INSYN2B: variants seen among roughly 807,000 people sequenced by gnomAD.
INSYN2B encodes inhibitory synaptic factor family member 2B.
INSYN2B carries 16 observed loss-of-function variants against 41.2 expected under a neutral mutation model. The observed-to-expected ratio is 0.39, with a 90% CI of 0.26 to 0.59. The LOEUF (loss-of-function observed/expected upper bound fraction) is 0.59. INSYN2B is among the 20% of genes least tolerant of loss of function. The pLI, the probability that INSYN2B is intolerant of heterozygous loss-of-function variation, is 0.57. For missense variants in INSYN2B, 608 were observed against 646.4 expected, an observed-to-expected ratio of 0.94 and a Z score of 0.64; for synonymous variants, 245 against 244.4, an observed-to-expected ratio of 1.00 and a Z score of -0.02.
Position 169,882,801 on chromosome 5 carries a change from G to A in INSYN2B, c.1098C>T (p.Asp366=), listed in dbSNP as rs1772734692. The A allele has an allele frequency of 2.6e-6, 4 of 1,551,640 alleles. No homozygotes were observed. The African/African-American group carries it at 4.1e-5, about 16-fold the overall frequency. The change falls in exon 2 of 4, where the codon GAC becomes GAT. Residue 366 remains aspartate, a synonymous_variant. Coordinates refer to ENST00000377365, the MANE Select transcript of INSYN2B (RefSeq NM_001129891.3). ...EQTANNPTES[D]TLEFPNCPGS... ...CTGGACAATTTGGAAACTCCAGTGT[G>A]TCTGACTCGGTGGGGTTGTTTGCCG...
rs909575728 is a variant in INSYN2B at position 169,881,559 on chromosome 5, G to A, written c.1347-117C>T. 3.7e-5 allele frequency: 27 copies of A among 733,048 alleles called. No individual in the cohort carries two copies. In the East Asian group the frequency reaches 7.4e-4, roughly 20 times the overall value. 45.4% of individuals were successfully genotyped at this position (733,048 alleles called of 1,614,324 possible). A position where few individuals can be genotyped will look rare whatever the true frequency, so the allele number is the denominator to read the frequency against. On this transcript the variant is annotated intron_variant, in intron 2 of 3. Coordinates refer to ENST00000377365, the MANE Select transcript of INSYN2B (RefSeq NM_001129891.3). ...ACAGCATTCACGGTGCTCTGAAGTT[G>A]CACGGCCATTACAAATAAGGAAACA... is the stretch of plus-strand genomic sequence containing the variant.
At chr5:169,924,322 G>A (rs1775327526) in intron 1 of INSYN2B, among the ~76,000 whole-genome samples, 1 of 152,172 alleles carries the variant, frequency 6.6e-6, no homozygotes, top group Non-Finnish European at 1.5e-5. Context: ...GGAAGTCTCT[G>A]TCCTCATACT....
intron 1 of INSYN2B, among the ~76,000 whole-genome samples, chr5:169,887,874 A>G (rs1773062009): frequency 6.6e-6 from 1 of 152,320 alleles, no homozygotes; most frequent in Admixed American, 6.5e-5. Context: ...GTCTTTCACC[A>G]GAACCTCTTT....
intron 1 of INSYN2B, among the ~76,000 whole-genome samples, chr5:169,909,214 G>A (rs539822935): frequency 9.9e-5 from 15 of 152,274 alleles, no homozygotes; most frequent in African/African-American, 3.6e-4. Context: ...ACCACATGAA[G>A]CTATCTAAAT....
chr5:169,957,765 A>G (rs747438185), intron 1 of INSYN2B, among the ~76,000 whole-genome samples: 2 of 152,030 alleles, frequency 1.3e-5, no homozygotes, highest in African/African-American at 2.4e-5. Context: ...TCTGTTCATG[A>G]CCCTGTTAGC....
At chr5:169,870,034 A>G (rs1771853721) in intron 3 of INSYN2B, among the ~76,000 whole-genome samples, 1 of 152,102 alleles carries the variant, frequency 6.6e-6, no homozygotes, top group African/African-American at 2.4e-5. Context: ...AGCCCTTGAG[A>G]TAGTCCAGGG....
At chr5:169,949,387 C>T (rs888003321) in intron 1 of INSYN2B, among the ~76,000 whole-genome samples, 1 of 152,154 alleles carries the variant, frequency 6.6e-6, no homozygotes, top group Non-Finnish European at 1.5e-5. Flanking sequence ...TTCCATGTTC[C>T]TGGGGCTGCC....
intron 1 of INSYN2B, among the ~76,000 whole-genome samples, chr5:169,889,101 G>T (rs371096901): frequency 2.6e-5 from 4 of 152,156 alleles, no homozygotes; most frequent in South Asian, 2.1e-4. Flanking sequence ...CACAGAGAGG[G>T]TCTTATATAA....
intron 1 of INSYN2B, among the ~76,000 whole-genome samples, chr5:169,975,652 A>G (rs1221618947): frequency 1.3e-5 from 2 of 152,218 alleles, no homozygotes; most frequent in African/African-American, 4.8e-5. Flanking sequence ...AGAGGCCACT[A>G]TGATCCATCC....
At chr5:169,964,338 G>T (rs558673253) in intron 1 of INSYN2B, among the ~76,000 whole-genome samples, 41 of 152,302 alleles carry the variant, frequency 2.7e-4, no homozygotes, top group African/African-American at 9.9e-4. Flanking sequence ...CCCAAGCTCA[G>T]ACTATAAATT....
chr5:169,927,829 G>A (rs1470567415), intron 1 of INSYN2B, among the ~76,000 whole-genome samples: 3 of 152,288 alleles, frequency 2.0e-5, no homozygotes, highest in African/African-American at 4.8e-5. Context: ...TGTTAGCCAG[G>A]ATGGTCTCAA....
chr5:169,969,297 T>C (rs1180487425), intron 1 of INSYN2B, among the ~76,000 whole-genome samples: 1 of 151,824 alleles, frequency 6.6e-6, no homozygotes, highest in Admixed American at 6.6e-5. Context: ...ATACAAAAAT[T>C]AGCTGGGTGT....
chr5:169,906,187 G>A (rs1008405054), intron 1 of INSYN2B, among the ~76,000 whole-genome samples: 3 of 152,108 alleles, frequency 2.0e-5, no homozygotes, highest in Non-Finnish European at 2.9e-5. Flanking sequence ...CATTGTGCCC[G>A]GGGCCGTGGA....
At chr5:169,892,285 C>G (rs1581369787) in intron 1 of INSYN2B, among the ~76,000 whole-genome samples, 2 of 152,364 alleles carry the variant, frequency 1.3e-5, no homozygotes, top group East Asian at 3.9e-4. Flanking sequence ...CTCTGAGCAG[C>G]TGTCTTCTAC....
At position 169,948,290 on chromosome 5, in the gene INSYN2B, G is replaced by GT. The variant is rs564181749; in HGVS notation, c.-919+31986dup. 2.1e-3 allele frequency among the ~76,000 whole-genome samples: 278 copies of GT among 135,496 alleles called. 3 individuals carry two copies. The highest frequency in any genetic ancestry group is 2.7e-3 in the Non-Finnish European group (168 of 62,526). 88.9% of individuals were successfully genotyped at this position (135,496 alleles called of 152,430 possible). On this transcript the variant is annotated intron_variant, in intron 1 of 3. Transcript: ENST00000377365. ...ATATTTTAGTAGAGGGATTCAGAAC[G>GT]TTTTTTAAAAAAAGGTAAACAAATA...
In INSYN2B at chr5:169,901,870, G is replaced by A. The variant is rs141488248; in HGVS notation, c.-918-17054C>T. On this transcript the variant is annotated intron_variant, in intron 1 of 3. Coordinates refer to ENST00000377365, the MANE Select transcript of INSYN2B (RefSeq NM_001129891.3). ...TTTGCTTGCATCTGTTGGAGAAGAAGCTACCCCTTCCTCTGCATGGTGGCC... is the reference window on the plus strand; with the variant it reads ...TTTGCTTGCATCTGTTGGAGAAGAAACTACCCCTTCCTCTGCATGGTGGCC... 1.7e-3 allele frequency among the ~76,000 whole-genome samples: 255 copies of A among 152,296 alleles called. 1 individual carries two copies. The highest frequency in any genetic ancestry group is 5.9e-3 in the African/African-American group (244 of 41,560).
chr5:169,912,707 T>C (rs1002672576), intron 1 of INSYN2B, among the ~76,000 whole-genome samples: 3 of 151,950 alleles, frequency 2.0e-5, no homozygotes, highest in Admixed American at 6.6e-5. Context: ...AGTAGGAAAA[T>C]GGAGTGGTCC....
intron 1 of INSYN2B, among the ~76,000 whole-genome samples, chr5:169,919,585 T>G (rs1279749917): frequency 6.6e-6 from 1 of 152,212 alleles, no homozygotes; most frequent in Non-Finnish European, 1.5e-5. Flanking sequence ...CATTAATGGT[T>G]TGAAGAAGTG....
chr5:169,886,972 G>A (rs772149131), intron 1 of INSYN2B, among the ~76,000 whole-genome samples: 1 of 152,166 alleles, frequency 6.6e-6, no homozygotes, highest in African/African-American at 2.4e-5. Flanking sequence ...GTAGAGGCAG[G>A]TGCGATCAGT....
Sources: allele counts gnomAD v4.1 joint callset (sites outside exome capture counted in the v4.1 genomes callset), GRCh38; gene constraint gnomAD v4.1.1; transcripts MANE v1.5; gene names NCBI Gene and HGNC (gene_info 2026-07-23, HGNC 2026-07-21).